The following BASP1 variants were observed in gnomAD, a reference collection of about 807,000 sequenced individuals.
BASP1 encodes the protein brain acid soluble protein 1.
In BASP1, 1 loss-of-function variant was observed where a neutral mutation model predicts 2.2. The ratio of observed to expected loss-of-function variants is 0.46; its 90% confidence interval spans 0.16 to 2.17. The LOEUF is 2.17. Ranked by LOEUF, BASP1 falls within the 30% of genes most tolerant of loss-of-function variation. BASP1 has a pLI of 0.27. For synonymous variants in BASP1, 187 were observed against 154.2 expected (o/e 1.21, Z -1.58); for missense variants, 352 against 327.2 (o/e 1.08, Z -0.58).
intron 1 of BASP1, among the ~76,000 whole-genome samples, chr5:17,267,019 T>C (rs753354011): frequency 8.5e-5 from 13 of 152,208 alleles, no homozygotes; most frequent in Non-Finnish European, 1.3e-4. Context: ...CGTTTCTACA[T>C]AACACTAAAC....
intron 1 of BASP1, among the ~76,000 whole-genome samples, chr5:17,269,251 C>T (rs1554028792): frequency 6.6e-6 from 1 of 152,164 alleles, no homozygotes; most frequent in Non-Finnish European, 1.5e-5. Flanking sequence ...TATTAGGGAA[C>T]ATGATTTGCT....
intron 1 of BASP1, among the ~76,000 whole-genome samples, chr5:17,238,511 T>C (rs1010445460): frequency 6.6e-6 from 1 of 152,198 alleles, no homozygotes; most frequent in Non-Finnish European, 1.5e-5. Flanking sequence ...GTCTAGCATT[T>C]GATGCAAGTG....
chr5:17,251,793 C>G lies in BASP1; in HGVS notation c.-9-23415C>G, dbSNP rs190425489. ...GTGGTTCTAATCTCTTGGGAGGGAGCAGAGGAGAAAGAAGGTTCGGGTAGG... is the reference window on the plus strand; with the variant it reads ...GTGGTTCTAATCTCTTGGGAGGGAGGAGAGGAGAAAGAAGGTTCGGGTAGG... On this transcript the variant is annotated intron_variant, in intron 1 of 1. Transcript: ENST00000322611. This position sits in a 1 kb window ranked among gnomAD's most constrained non-coding sequence, Gnocchi z 4.0. Among the ~76,000 whole-genome samples the G allele has an allele frequency of 1.3e-5, 2 of 152,162 alleles. No individual in the cohort carries two copies. Among genetic ancestry groups the G allele is most frequent in the Admixed American group, 6.5e-5 (1 of 15,274 alleles).
At chr5:17,274,139 G>A (rs570230881) in intron 1 of BASP1, among the ~76,000 whole-genome samples, 8 of 152,136 alleles carry the variant, frequency 5.3e-5, no homozygotes, top group Admixed American at 4.6e-4. Context: ...GAATGAAAGC[G>A]GCAGCCTTAA....
At chr5:17,220,866 G>A (rs61508017) in intron 1 of BASP1, among the ~76,000 whole-genome samples, 7,801 of 152,178 alleles carry the variant, frequency 0.051, 658 homozygotes, top group African/African-American at 0.18. Flanking sequence ...TTCATTTCAT[G>A]GTCAAGCGGA....
Position 17,217,819 on chromosome 5 carries a change from G to T in BASP1, c.-10+9G>T, listed in dbSNP as rs1237550481. 1 of 151,882 alleles carries T rather than the reference G, an allele frequency of 6.6e-6. No individual in the cohort carries two copies. Among genetic ancestry groups the T allele is most frequent in the Non-Finnish European group, 1.5e-5 (1 of 67,986 alleles). The allele number at this position is 151,882 out of a possible 1,614,324, so 9.4% of individuals were successfully genotyped here. A position where few individuals can be genotyped will look rare whatever the true frequency, so the allele number is the denominator to read the frequency against. On this transcript the variant is annotated intron_variant, in intron 1 of 1. Coordinates refer to ENST00000322611, the MANE Select transcript of BASP1 (RefSeq NM_006317.5). ...ATAGGCACCCAGAGCCGGTAAGGAG[G>T]CGCGCCCGGTGGCCCCGCGCCGCCG...
chr5:17,235,266 T>A (rs1199396616), intron 1 of BASP1, among the ~76,000 whole-genome samples: 1 of 146,646 alleles, frequency 6.8e-6, no homozygotes, highest in Non-Finnish European at 1.5e-5. Flanking sequence ...ATGTTTTTCT[T>A]TTTTTTTTTT....
In BASP1 at chr5:17,250,166, C is replaced by T. The variant is rs554035904; in HGVS notation, c.-9-25042C>T. On this transcript the variant is annotated intron_variant, in intron 1 of 1. Coordinates refer to ENST00000322611, the MANE Select transcript of BASP1 (RefSeq NM_006317.5). ...TTCACCATGTTGGCCAGTCTGGTCT[C>T]AAACTCCTGACCTCAAGTGATCCAC... 7.2e-5 allele frequency among the ~76,000 whole-genome samples: 11 copies of T among 152,292 alleles called. No homozygotes were observed. The South Asian group carries it at 1.9e-3, about 26-fold the overall frequency.
chr5:17,273,372 T>G (rs533930674), intron 1 of BASP1, among the ~76,000 whole-genome samples: 139 of 152,142 alleles, frequency 9.1e-4, no homozygotes, highest in Non-Finnish European at 1.7e-3. Context: ...CTGAAGCAGG[T>G]TATGACCAAT....
At chr5:17,218,040 G>T (rs1231476486) in intron 1 of BASP1, among the ~76,000 whole-genome samples, 1 of 151,750 alleles carries the variant, frequency 6.6e-6, no homozygotes, top group African/African-American at 2.4e-5. Context: ...TCAGCCGCTC[G>T]CATGGTGGAG....
In BASP1 at chr5:17,234,874, T is replaced by C. The variant is rs559611212; in HGVS notation, c.-10+17064T>C. 3.9e-5 allele frequency among the ~76,000 whole-genome samples: 6 copies of C among 152,352 alleles called. No homozygotes were observed. The East Asian group carries it at 1.2e-3, about 29-fold the overall frequency. The stretch of plus-strand genomic sequence containing the variant: ...TGCCTGACTAAGCCATGTGAGATAT[T>C]CCAGTGAGATATTCAATTGGCTATT... On this transcript the variant is annotated intron_variant, in intron 1 of 1. Coordinates refer to ENST00000322611, the MANE Select transcript of BASP1 (RefSeq NM_006317.5).
chr5:17,257,101 T>C (rs1740224927), intron 1 of BASP1, among the ~76,000 whole-genome samples: 1 of 152,196 alleles, frequency 6.6e-6, no homozygotes. Context: ...TTGAGGCTCA[T>C]TCTCCCTTTT....
At chr5:17,249,520 A>G (rs186661098) in intron 1 of BASP1, among the ~76,000 whole-genome samples, 33 of 152,270 alleles carry the variant, frequency 2.2e-4, no homozygotes, top group African/African-American at 7.5e-4. Context: ...CATTGAGTCA[A>G]TGCTAAGGCA....
At chr5:17,242,538 T>C (rs1336501258) in intron 1 of BASP1, among the ~76,000 whole-genome samples, 1 of 152,194 alleles carries the variant, frequency 6.6e-6, no homozygotes, top group African/African-American at 2.4e-5. Flanking sequence ...TCCCTCTTGG[T>C]GTTGTACCTT....
intron 1 of BASP1, among the ~76,000 whole-genome samples, chr5:17,244,144 A>G (rs1347321382): frequency 2.0e-5 from 3 of 152,198 alleles, no homozygotes; most frequent in African/African-American, 7.2e-5. Flanking sequence ...CGTATTGTAC[A>G]TTCTCGGAAT....
chr5:17,251,900 G>A lies in BASP1; in HGVS notation c.-9-23308G>A, dbSNP rs1231939866. On this transcript the variant is annotated intron_variant, in intron 1 of 1. Coordinates refer to ENST00000322611, the MANE Select transcript of BASP1 (RefSeq NM_006317.5). This position sits in a 1 kb window ranked among gnomAD's most constrained non-coding sequence, Gnocchi z 4.0. The stretch of plus-strand genomic sequence containing the variant: ...TTGGGTCAGTTGTAGACCACTATGT[G>A]CATGAGTCTGAAGCTCAAGAAATAA... 6.6e-6 allele frequency among the ~76,000 whole-genome samples: 1 copy of A among 152,184 alleles called. No individual in the cohort carries two copies. Among genetic ancestry groups the A allele is most frequent in the Non-Finnish European group, 1.5e-5 (1 of 68,030 alleles).
chr5:17,220,239 C>T (rs376328376), intron 1 of BASP1, among the ~76,000 whole-genome samples: 5 of 152,270 alleles, frequency 3.3e-5, no homozygotes, highest in Admixed American at 6.5e-5. Context: ...CTACTGGCTA[C>T]GGTGGCTGTC....
chr5:17,233,900 G>A (rs1235318234), intron 1 of BASP1, among the ~76,000 whole-genome samples: 3 of 151,946 alleles, frequency 2.0e-5, no homozygotes, highest in Admixed American at 1.3e-4. Context: ...AGGCCGAGGC[G>A]GACAGATTGC....
intron 1 of BASP1, among the ~76,000 whole-genome samples, chr5:17,244,659 G>A (rs1206270140): frequency 6.6e-6 from 1 of 150,958 alleles, no homozygotes; most frequent in Non-Finnish European, 1.5e-5. Context: ...ATATATATTT[G>A]TGTTTATGTA....
Sources: gnomAD v4.1 joint callset for allele counts (sites outside exome capture counted in the v4.1 genomes callset) on GRCh38, gnomAD v4.1.1 for gene constraint, Gnocchi (gnomAD v3.1) non-coding constraint, MANE v1.5 for transcripts, NCBI Gene and HGNC (gene_info 2026-07-23, HGNC 2026-07-21) for gene names.